Variants in GRM7 observed in about 807,000 individuals in gnomAD.
The protein encoded by GRM7 is metabotropic glutamate receptor 7.
GRM7 carries 35 observed loss-of-function variants against 84.5 expected under a neutral mutation model. The observed-to-expected ratio is 0.41, with a 90% confidence interval of 0.32 to 0.55. The LOEUF is 0.55. Among genes scored for constraint, GRM7 ranks in the 20% least tolerant of loss-of-function variants. GRM7 has a pLI of 0.19. For synonymous variants in GRM7, 487 were observed against 455.1 expected, an observed-to-expected ratio of 1.07 and a Z score of -0.89; for missense variants, 1,003 against 1,194.6, an observed-to-expected ratio of 0.84 and a Z score of 2.36.
rs1038524765 is a variant in GRM7 at position 7,677,118 on chromosome 3, C to T, written c.2452-2931C>T. On this transcript the variant is annotated intron_variant, in intron 8 of 9. Transcript: ENST00000357716. ...CTACTAAAAATACAAAAAAATTAGC[C>T]GGGCGCGGTGGCACGTGCCTGTAGT... Among the ~76,000 whole-genome samples the T allele has an allele frequency of 5.9e-5, 9 of 151,644 alleles. 1 individual carries two copies. Among genetic ancestry groups the T allele is most frequent in the South Asian group, 4.2e-4 (2 of 4,796 alleles).
At chr3:7,406,910 T>C (rs1202563553) in intron 4 of GRM7, among the ~76,000 whole-genome samples, 1 of 152,212 alleles carries the variant, frequency 6.6e-6, no homozygotes. Context: ...TTGCACAATT[T>C]AGTGTGACAA....
chr3:7,564,975 C>T (rs998976579), intron 7 of GRM7, among the ~76,000 whole-genome samples: 1 of 152,134 alleles, frequency 6.6e-6, no homozygotes, highest in Non-Finnish European at 1.5e-5. Context: ...GTTTTTCTCC[C>T]GTCTCATAAT....
chr3:7,252,904 A>G (rs1575084029), intron 2 of GRM7, among the ~76,000 whole-genome samples: 1 of 147,030 alleles, frequency 6.8e-6, no homozygotes, highest in East Asian at 2.1e-4. Flanking sequence ...GTAGGCCAAT[A>G]TGGTCTTGAT....
At chr3:6,960,847 C>T (rs1693270895) in intron 1 of GRM7, among the ~76,000 whole-genome samples, 2 of 152,098 alleles carry the variant, frequency 1.3e-5, no homozygotes, top group Admixed American at 6.6e-5. Context: ...CTCTTTCTCT[C>T]TTATTGCTGT....
chr3:6,917,839 T>C (rs2125026631), intron 1 of GRM7, among the ~76,000 whole-genome samples: 1 of 152,240 alleles, frequency 6.6e-6, no homozygotes, highest in East Asian at 1.9e-4. Flanking sequence ...CATAACTCCT[T>C]AAGGGGCTCC....
chr3:7,387,423 G>A (rs1694827281), intron 4 of GRM7, among the ~76,000 whole-genome samples: 2 of 152,210 alleles, frequency 1.3e-5, no homozygotes, highest in Non-Finnish European at 2.9e-5. Flanking sequence ...ATAGATTTAA[G>A]TCTTACTTTT....
At chr3:7,501,472 C>T (rs931875104) in intron 7 of GRM7, among the ~76,000 whole-genome samples, 3 of 152,202 alleles carry the variant, frequency 2.0e-5, no homozygotes, top group African/African-American at 7.2e-5. Context: ...TTGATCATGA[C>T]ATTTAATGGA....
Position 7,725,294 on chromosome 3 carries a change from A to G in GRM7, c.2699-15063A>G, listed in dbSNP as rs529761884. On this transcript the variant is annotated intron_variant, in intron 9 of 9. Transcript: ENST00000357716. ...AGCCATCTTTGGGAATATCTTGGGA[A>G]AAAAAATTCTGGAACAGATAGTTAG... 5.3e-5 allele frequency among the ~76,000 whole-genome samples: 8 copies of G among 152,248 alleles called. No individual in the cohort carries two copies. In the South Asian group the frequency reaches 6.2e-4, roughly 12 times the overall value.
In GRM7 at chr3:7,452,710, C is replaced by T. The variant is rs1424400268; in HGVS notation, c.1278C>T (p.Asn426=). ...TGGCTCACGCCCTTCACCACATGAA[C>T]AAGGATCTCTGTGCTGACTACCGGG... is the stretch of plus-strand genomic sequence containing the variant. ...YAMAHALHHM[N]KDLCADYRGV... is the part of the protein sequence containing the mutation. Residue 426 remains asparagine, a synonymous_variant, in exon 6 of 10, where the codon AAC becomes AAT. Transcript: ENST00000357716. 6 of 1,612,990 alleles carry T rather than the reference C, an allele frequency of 3.7e-6. No homozygotes were observed. The highest frequency in any genetic ancestry group is 5.1e-6 in the Non-Finnish European group (6 of 1,179,176).
chr3:7,315,400 C>T (rs1452652782), intron 4 of GRM7, among the ~76,000 whole-genome samples: 4 of 152,192 alleles, frequency 2.6e-5, no homozygotes, highest in Non-Finnish European at 5.9e-5. Flanking sequence ...TTCTCCTAGG[C>T]TTAATGCTGT....
At chr3:7,302,526 T>TCC (rs1559218986) in intron 3 of GRM7, among the ~76,000 whole-genome samples, 2 of 152,244 alleles carry the variant, frequency 1.3e-5, no homozygotes, top group Non-Finnish European at 2.9e-5. Flanking sequence ...CGTCAGCACC[T>TCC]CCCCAAACAT....
intron 4 of GRM7, among the ~76,000 whole-genome samples, chr3:7,344,231 T>G (rs1465765766): frequency 6.6e-6 from 1 of 151,052 alleles, no homozygotes; most frequent in Non-Finnish European, 1.5e-5. Context: ...TTTTCTGATG[T>G]TCTCCCTCTT....
rs1699322016 is a variant in GRM7, at chr3:7,486,367, CAGCAAAACTGAGGACA to C, written c.1515+24648_1515+24663del. Among the ~76,000 whole-genome samples, 1 of 152,074 alleles carries C rather than the reference CAGCAAAACTGAGGACA, an allele frequency of 6.6e-6. No homozygotes were observed. The highest frequency in any genetic ancestry group is 2.4e-5 in the African/African-American group (1 of 41,394). On this transcript the variant is annotated intron_variant, in intron 7 of 9. Transcript: ENST00000357716. The surrounding 1 kb of genome is among the most constrained non-coding windows in gnomAD (Gnocchi z 5.5). ...CTATGATTTGAATATGACTTGTCCT[CAGCAAAACTGAGGACA>C]AGTTTTGCTGTTGAGGCTTGGTCTC...
At chr3:7,534,846 GA>G (rs1266104643) in intron 7 of GRM7, among the ~76,000 whole-genome samples, 1 of 152,126 alleles carries the variant, frequency 6.6e-6, no homozygotes, top group Admixed American at 6.6e-5. Context: ...TTTGGCAATA[GA>G]AAAACACGGC....
intron 9 of GRM7, among the ~76,000 whole-genome samples, chr3:7,705,236 T>C (rs1214526058): frequency 1.3e-5 from 2 of 152,124 alleles, no homozygotes; most frequent in African/African-American, 4.8e-5. Context: ...GCACAAAACA[T>C]CTGAAAGAAC....
chr3:7,123,339 C>T (rs1322956967), intron 1 of GRM7, among the ~76,000 whole-genome samples: 2 of 152,164 alleles, frequency 1.3e-5, no homozygotes, highest in African/African-American at 2.4e-5. Context: ...GAAAGTGGGG[C>T]CAGGCATGGT....
chr3:7,031,127 TA>T, intron 1 of GRM7, among the ~76,000 whole-genome samples: 1 of 152,306 alleles, frequency 6.6e-6, no homozygotes, highest in Admixed American at 6.5e-5. Flanking sequence ...TTTACAAATG[TA>T]AAGCTTTCAA....
chr3:7,163,263 A>G (rs1415426217), intron 2 of GRM7, among the ~76,000 whole-genome samples: 1 of 152,180 alleles, frequency 6.6e-6, no homozygotes, highest in Non-Finnish European at 1.5e-5. Flanking sequence ...AAATATCAGA[A>G]GAGGTAGCTA....
intron 1 of GRM7, among the ~76,000 whole-genome samples, chr3:7,025,502 T>G (rs912457623): frequency 6.6e-6 from 1 of 152,184 alleles, no homozygotes; most frequent in Non-Finnish European, 1.5e-5. Flanking sequence ...TCTGCAGAAG[T>G]GTCTTCAAAG....
Sources: allele counts gnomAD v4.1 joint callset (sites outside exome capture counted in the v4.1 genomes callset), GRCh38; gene constraint gnomAD v4.1.1; non-coding constraint Gnocchi (gnomAD v3.1); transcripts MANE v1.5; gene names NCBI Gene and HGNC (gene_info 2026-07-23, HGNC 2026-07-21).